CCDC192: variants seen among roughly 807,000 people sequenced by gnomAD.
The protein encoded by CCDC192 is coiled-coil domain containing 192, also known as coiled-coil domain-containing protein 192.
At chr5:127,850,449 T>C (rs886403900) in intron 5 of CCDC192, among the ~76,000 whole-genome samples, 2 of 152,162 alleles carry the variant, frequency 1.3e-5, no homozygotes, top group African/African-American at 4.8e-5. Context: ...ATATTTTAGC[T>C]TCCCAGAATT....
At chr5:127,858,567 T>C (rs896141568) in intron 5 of CCDC192, among the ~76,000 whole-genome samples, 1 of 152,230 alleles carries the variant, frequency 6.6e-6, no homozygotes, top group African/African-American at 2.4e-5. Context: ...TCTGTTTCCA[T>C]AACTAGACTC....
chr5:127,704,567 A>G (rs1361379995), intron 1 of CCDC192, among the ~76,000 whole-genome samples: 2 of 152,176 alleles, frequency 1.3e-5, no homozygotes, highest in African/African-American at 4.8e-5. Flanking sequence ...TCTTGGGTCT[A>G]TGGTCTGTGG....
chr5:127,775,488 G>A (rs991722280), intron 3 of CCDC192, among the ~76,000 whole-genome samples: 3 of 152,150 alleles, frequency 2.0e-5, no homozygotes, highest in Non-Finnish European at 4.4e-5. Context: ...GTGCTTTTCT[G>A]TGTGCCCCCT....
chr5:127,902,954 C>T (rs1188637050), intron 6 of CCDC192, among the ~76,000 whole-genome samples: 1 of 152,164 alleles, frequency 6.6e-6, no homozygotes, highest in African/African-American at 2.4e-5. Flanking sequence ...CCAAATTACA[C>T]TCGCTTAAAC....
intron 2 of CCDC192, among the ~76,000 whole-genome samples, chr5:127,714,036 T>A (rs1751483184): frequency 6.6e-6 from 1 of 152,194 alleles, no homozygotes; most frequent in African/African-American, 2.4e-5. Context: ...TATTTTACTC[T>A]CTATTTCTAT....
intron 6 of CCDC192, among the ~76,000 whole-genome samples, chr5:127,896,268 C>T (rs369148116): frequency 2.0e-5 from 3 of 151,974 alleles, no homozygotes; most frequent in Admixed American, 6.6e-5. Flanking sequence ...GTGAGACCCC[C>T]GTCCCTACAA....
chr5:127,824,035 C>T (rs1411932159), intron 5 of CCDC192, among the ~76,000 whole-genome samples: 1 of 152,146 alleles, frequency 6.6e-6, no homozygotes, highest in Non-Finnish European at 1.5e-5. Context: ...ATGAAGCACA[C>T]TCAGGGAAGA....
chr5:127,806,017 T>C (rs1580689416), intron 5 of CCDC192, among the ~76,000 whole-genome samples: 1 of 152,204 alleles, frequency 6.6e-6, no homozygotes, highest in African/African-American at 2.4e-5. Flanking sequence ...CTAACCTAGA[T>C]AGAATCAGCA....
intron 6 of CCDC192, among the ~76,000 whole-genome samples, chr5:127,877,854 T>C (rs1482253794): frequency 3.9e-5 from 6 of 152,178 alleles, no homozygotes; most frequent in Non-Finnish European, 7.3e-5. Flanking sequence ...AATGTTTGTT[T>C]TGGGTTCTCA....
At chr5:127,893,093 T>A (rs546939529) in intron 6 of CCDC192, among the ~76,000 whole-genome samples, 1 of 152,208 alleles carries the variant, frequency 6.6e-6, no homozygotes, top group Admixed American at 6.5e-5. Flanking sequence ...GTATCGGGTG[T>A]TAGAAGTCAA....
chr5:127,921,618 C>T (rs1753723923), intron 6 of CCDC192, among the ~76,000 whole-genome samples: 2 of 152,170 alleles, frequency 1.3e-5, no homozygotes, highest in African/African-American at 4.8e-5. Flanking sequence ...TCAGGGAAGT[C>T]TTTCATTAAT....
chr5:127,824,397 G>A (rs1413905247), intron 5 of CCDC192, among the ~76,000 whole-genome samples: 1 of 152,134 alleles, frequency 6.6e-6, no homozygotes, highest in African/African-American at 2.4e-5. Flanking sequence ...AAAGCAACAG[G>A]CAACATTCAG....
intron 6 of CCDC192, among the ~76,000 whole-genome samples, chr5:127,924,911 T>C (rs1185543407): frequency 6.6e-6 from 1 of 152,184 alleles, no homozygotes; most frequent in Non-Finnish European, 1.5e-5. Context: ...TACTCCTATC[T>C]CACAAGTACA....
Position 127,941,280 on chromosome 5 carries a change from C to A in CCDC192, c.634C>A (p.Leu212Ile). The A allele has an allele frequency of 2.5e-6, 1 of 399,016 alleles. No individual in the cohort carries two copies. The highest frequency in any genetic ancestry group is 3.6e-5 in the East Asian group (1 of 28,060). 24.7% of individuals were successfully genotyped at this position (399,016 alleles called of 1,614,324 possible). Residue 212 changes from leucine to isoleucine, a missense_variant, in exon 7 of 7, where the codon CTT (leucine) becomes ATT (isoleucine). By Grantham distance (5) the Leu-to-Ile change is conservative. Coordinates refer to ENST00000514853, the MANE Select transcript of CCDC192 (RefSeq NM_001317938.2). Reference sequence around the variant, plus strand: ...AATGGAACTGTCAACCCAGGTTTCCCTTCAGACTGAGAGAATTACTCAGCT... The same window carrying A: ...AATGGAACTGTCAACCCAGGTTTCCATTCAGACTGAGAGAATTACTCAGCT... ...LIMELSTQVS[L>I]QTERITQLKE...
At chr5:127,729,211 T>C (rs2126812665) in intron 2 of CCDC192, among the ~76,000 whole-genome samples, 1 of 152,078 alleles carries the variant, frequency 6.6e-6, no homozygotes. Flanking sequence ...CTGGCTGCAA[T>C]CCTAGTTTCT....
At chr5:127,737,571 C>T (rs1277306118) in intron 2 of CCDC192, among the ~76,000 whole-genome samples, 1 of 151,440 alleles carries the variant, frequency 6.6e-6, no homozygotes, top group East Asian at 1.9e-4. Context: ...GTCTAAGTCT[C>T]TTTGTAGGTC....
At chr5:127,853,021 C>T (rs1340639534) in intron 5 of CCDC192, among the ~76,000 whole-genome samples, 9 of 151,992 alleles carry the variant, frequency 5.9e-5, no homozygotes, top group African/African-American at 9.7e-5. Context: ...ACCCAGGAGG[C>T]GGAGCTTGCA....
chr5:127,928,070 G>A (rs1433195358), intron 6 of CCDC192, among the ~76,000 whole-genome samples: 1 of 151,322 alleles, frequency 6.6e-6, no homozygotes, highest in African/African-American at 2.4e-5. Context: ...TGGGATTACA[G>A]GCACCCACCA....
rs140660718 is a variant in CCDC192, at chr5:127,905,583, C to T, written c.535+29922C>T. Reference sequence around the variant, plus strand: ...AATTGCCCTTTTTCAAAATATTTCACGTTTAAGACCTTTGACAAGATACTA... The same window carrying T: ...AATTGCCCTTTTTCAAAATATTTCATGTTTAAGACCTTTGACAAGATACTA... On this transcript the variant is annotated intron_variant, in intron 6 of 6. Coordinates refer to ENST00000514853, the MANE Select transcript of CCDC192 (RefSeq NM_001317938.2). Among the ~76,000 whole-genome samples, 105 of 152,242 alleles carry T rather than the reference C, an allele frequency of 6.9e-4. 1 individual carries two copies. The highest frequency in any genetic ancestry group is 2.5e-3 in the African/African-American group (102 of 41,562).
Sources: allele counts gnomAD v4.1 joint callset (sites outside exome capture counted in the v4.1 genomes callset), GRCh38; gene constraint gnomAD v4.1.1; transcripts MANE v1.5; gene names NCBI Gene and HGNC (gene_info 2026-07-23, HGNC 2026-07-21).